The following ARSB variants were observed in gnomAD, a reference collection of about 807,000 sequenced individuals.
The protein encoded by ARSB is N-acetylgalactosamine-4-sulfatase.
In ARSB, 41 loss-of-function variants were observed where a neutral mutation model predicts 50.9. That is an observed-to-expected ratio of 0.81 (90% confidence interval 0.63 to 1.04). The LOEUF (loss-of-function observed/expected upper bound fraction) is 1.04, where lower values mean the gene tolerates loss of function less well. ARSB is among the 50% of genes least tolerant of loss of function. The pLI is 0.00. For missense variants in ARSB, 672 were observed against 693.3 expected, an observed-to-expected ratio of 0.97 and a Z score of 0.35; for synonymous variants, 269 against 284.8, an observed-to-expected ratio of 0.94 and a Z score of 0.56.
At chr5:78,917,257 T>C (rs1749595116) in intron 4 of ARSB, among the ~76,000 whole-genome samples, 1 of 152,216 alleles carries the variant, frequency 6.6e-6, no homozygotes. Flanking sequence ...ATATTCTATA[T>C]TCCTATAGTT....
At chr5:78,833,511 G>T (rs1744786707) in intron 6 of ARSB, among the ~76,000 whole-genome samples, 1 of 152,332 alleles carries the variant, frequency 6.6e-6, no homozygotes, top group East Asian at 1.9e-4. Context: ...ACACAGGAAA[G>T]CAATTACATC....
intron 6 of ARSB, among the ~76,000 whole-genome samples, chr5:78,790,525 G>GTAGA (rs959366678): frequency 3.3e-5 from 5 of 152,118 alleles, no homozygotes; most frequent in Non-Finnish European, 7.4e-5. Flanking sequence ...ATAGTGCTTA[G>GTAGA]TAGAATATCT....
chr5:78,863,765 A>T lies in ARSB; in HGVS notation c.1142+21819T>A, dbSNP rs564501534. On this transcript the variant is annotated intron_variant, in intron 5 of 7. Transcript: ENST00000264914. The stretch of plus-strand genomic sequence containing the variant: ...AGAACTTAAAGTATAATAATAATAA[A>T]AAAAAATAGATAGTCACTTCATAGT... 1.1e-3 allele frequency among the ~76,000 whole-genome samples: 173 copies of T among 152,214 alleles called. 1 individual carries two copies. The highest frequency in any genetic ancestry group is 3.9e-3 in the African/African-American group (162 of 41,522).
chr5:78,851,409 A>G (rs547749925), intron 5 of ARSB, among the ~76,000 whole-genome samples: 2 of 152,248 alleles, frequency 1.3e-5, no homozygotes, highest in East Asian at 1.9e-4. Context: ...GTTTGATTGC[A>G]CTGTGGTCTG....
intron 5 of ARSB, among the ~76,000 whole-genome samples, chr5:78,853,088 C>T (rs1240571028): frequency 3.9e-5 from 6 of 152,188 alleles, no homozygotes; most frequent in Admixed American, 1.3e-4. Context: ...AGCTTTGTTC[C>T]GTTGCTGGTG....
intron 4 of ARSB, among the ~76,000 whole-genome samples, chr5:78,919,169 A>G (rs1048094385): frequency 2.0e-5 from 3 of 152,230 alleles, no homozygotes; most frequent in Non-Finnish European, 4.4e-5. Flanking sequence ...TTTATACAGC[A>G]TGTTAGCTGA....
At chr5:78,889,660 G>A (rs564178713) in intron 4 of ARSB, among the ~76,000 whole-genome samples, 1 of 152,224 alleles carries the variant, frequency 6.6e-6, no homozygotes, top group South Asian at 2.1e-4. Context: ...CTGTCAAAAA[G>A]TCATGGAAAA....
chr5:78,878,052 A>C (rs934263745), intron 5 of ARSB, among the ~76,000 whole-genome samples: 10 of 152,206 alleles, frequency 6.6e-5, no homozygotes, highest in African/African-American at 2.4e-4. Context: ...AGGCTTAGAA[A>C]TAGAAACTGC....
chr5:78,907,318 T>A (rs148093063), intron 4 of ARSB, among the ~76,000 whole-genome samples: 1 of 152,196 alleles, frequency 6.6e-6, no homozygotes, highest in African/African-American at 2.4e-5. Flanking sequence ...TCTAAGGGCA[T>A]TTGATCACTC....
chr5:78,786,952 A>G (rs1011984403), intron 6 of ARSB, among the ~76,000 whole-genome samples: 1 of 151,908 alleles, frequency 6.6e-6, no homozygotes. Flanking sequence ...CTCCAGAACC[A>G]TTTGTCTGAG....
intron 5 of ARSB, chr5:78,884,149 G>A (rs1358630679): frequency 2.0e-5 from 3 of 152,188 alleles, no homozygotes; most frequent in African/African-American, 7.2e-5. Context: ...ACAGAAGGCA[G>A]CAGCTATTTG....
intron 4 of ARSB, among the ~76,000 whole-genome samples, chr5:78,933,352 C>A (rs534938005): frequency 3.3e-4 from 50 of 152,258 alleles, no homozygotes; most frequent in African/African-American, 1.1e-3. Context: ...CCCAAGAAAA[C>A]TAGAGCCAGC....
intron 5 of ARSB, among the ~76,000 whole-genome samples, chr5:78,853,305 G>T (rs541050633): frequency 2.5e-4 from 38 of 152,188 alleles, no homozygotes; most frequent in African/African-American, 8.4e-4. Context: ...GTCTGTTGGA[G>T]TTTGCTAGAG....
At chr5:78,850,780 A>C (rs568751437) in intron 5 of ARSB, among the ~76,000 whole-genome samples, 1 of 152,278 alleles carries the variant, frequency 6.6e-6, no homozygotes, top group South Asian at 2.1e-4. Context: ...TTCCTGGTTT[A>C]GTCTTGGGAG....
intron 4 of ARSB, among the ~76,000 whole-genome samples, chr5:78,890,417 C>T (rs1326174941): frequency 6.6e-6 from 1 of 151,960 alleles, no homozygotes; most frequent in Non-Finnish European, 1.5e-5. Context: ...CGCTTGGCTA[C>T]TCTTTCCCTG....
At chr5:78,835,894 C>T (rs563153760) in intron 6 of ARSB, among the ~76,000 whole-genome samples, 4 of 152,264 alleles carry the variant, frequency 2.6e-5, no homozygotes, top group East Asian at 1.9e-4. Context: ...TAAGCACCAA[C>T]GATCTGGGAA....
chr5:78,926,288 G>A (rs1750045778), intron 4 of ARSB, among the ~76,000 whole-genome samples: 1 of 152,116 alleles, frequency 6.6e-6, no homozygotes, highest in Non-Finnish European at 1.5e-5. Context: ...TGAAGCAGCT[G>A]GAAAGGCTTT....
chr5:78,853,438 C>T (rs1006277859), intron 5 of ARSB, among the ~76,000 whole-genome samples: 5 of 152,184 alleles, frequency 3.3e-5, no homozygotes, highest in East Asian at 1.9e-4. Context: ...GAGGAATACC[C>T]GGCCGTGTGA....
intron 2 of ARSB, among the ~76,000 whole-genome samples, chr5:78,966,355 TG>T (rs1337000771): frequency 3.9e-5 from 6 of 152,126 alleles, no homozygotes; most frequent in African/African-American, 1.4e-4. Flanking sequence ...CCTATGCTTT[TG>T]GGGGAAAAAA....
Sources: allele counts gnomAD v4.1 joint callset (sites outside exome capture counted in the v4.1 genomes callset), GRCh38; gene constraint gnomAD v4.1.1; transcripts MANE v1.5; gene names NCBI Gene and HGNC (gene_info 2026-07-23, HGNC 2026-07-21).